MAGEC3: variants seen among roughly 807,000 people sequenced by gnomAD.
MAGEC3 encodes the protein MAGE family member C3.
In MAGEC3, 34 loss-of-function variants were observed where a neutral mutation model predicts 35.3. That is an observed-to-expected ratio of 0.96 (90% CI 0.73 to 1.28). MAGEC3 has a LOEUF of 1.28. MAGEC3 is among the 50% of genes most tolerant of loss of function. The probability of loss-of-function intolerance (pLI) is 0.00; values close to 1 mark genes in which losing one functional copy is unlikely to be tolerated. For missense variants in MAGEC3, 561 were observed against 483.6 expected, an observed-to-expected ratio of 1.16 and a Z score of -1.50; for synonymous variants, 202 against 185.6, an observed-to-expected ratio of 1.09 and a Z score of -0.72.
chrX:141,894,953 G>A, intron 4 of MAGEC3: 2 of 621,603 alleles, frequency 3.2e-6, no homozygotes, highest in Non-Finnish European at 2.1e-6. Flanking sequence ...GGTAGGAAAA[G>A]GTGGGAGGGA....
chrX:141,895,861 A>G (rs765384518), intron 6 of MAGEC3, among the ~76,000 whole-genome samples: 45 of 110,387 alleles, frequency 4.1e-4, no homozygotes, highest in African/African-American at 1.3e-3. Flanking sequence ...AAGAGTGAGG[A>G]CGGAGAGGTC....
intron 1 of MAGEC3, among the ~76,000 whole-genome samples, chrX:141,857,252 T>C (rs187141510): frequency 1.5e-3 from 167 of 111,017 alleles, no homozygotes; most frequent in African/African-American, 5.1e-3. Context: ...GAAATAGATC[T>C]GCTTATCTGT....
At chrX:141,894,757 C>T (rs1319848790) in intron 4 of MAGEC3, 1 of 969,470 alleles carries the variant, frequency 1.0e-6, no homozygotes, top group Admixed American at 3.0e-5. Flanking sequence ...CAGGCGTCGC[C>T]CAGCCACTCC....
intron 4 of MAGEC3, among the ~76,000 whole-genome samples, chrX:141,889,532 A>T (rs1893646826): frequency 8.9e-6 from 1 of 112,357 alleles, no homozygotes; most frequent in Non-Finnish European, 1.9e-5. Context: ...AAACAGGCTA[A>T]GAAAGGAGTT....
chrX:141,896,248 A>G (rs1370608984), intron 6 of MAGEC3: 3 of 367,265 alleles, frequency 8.2e-6, no homozygotes, highest in African/African-American at 2.8e-5. Context: ...AGCACAGCAG[A>G]GGAGGCCCAG....
chrX:141,881,247 G>A (rs2017961674), intron 3 of MAGEC3, among the ~76,000 whole-genome samples, 156 bp from the exon 4 acceptor site: 1 of 110,539 alleles, frequency 9.0e-6, no homozygotes, highest in Non-Finnish European at 1.9e-5. Flanking sequence ...AGGAGTAGCT[G>A]TCTGCTGGGA....
At chrX:141,879,516 AG>A (rs1195255532) in intron 3 of MAGEC3, 85 bp downstream of exon 3, 17 of 971,770 alleles carry the variant, frequency 1.7e-5, no homozygotes, top group Non-Finnish European at 2.2e-5. Context: ...AGGGGTGGAA[AG>A]GGTCGGGGAG....
At chrX:141,858,649 C>G (rs141920623) in intron 1 of MAGEC3, among the ~76,000 whole-genome samples, 3,129 of 110,432 alleles carry the variant, frequency 0.028, 48 homozygotes, top group African/African-American at 0.057. Context: ...TGCCTGGTAA[C>G]CCAAATATGT....
At chrX:141,847,052 A>G (rs1227949728) in intron 1 of MAGEC3, among the ~76,000 whole-genome samples, 1 of 111,282 alleles carries the variant, frequency 9.0e-6, no homozygotes, top group Non-Finnish European at 1.9e-5. Context: ...TTTCACATGA[A>G]TGAGAATATC....
intron 2 of MAGEC3, among the ~76,000 whole-genome samples, chrX:141,878,490 C>G (rs149806530): frequency 0.08 from 8,953 of 112,486 alleles, 555 homozygotes; most frequent in African/African-American, 0.2. Context: ...TCCACAGAAT[C>G]CAGCTCCACT....
At position 141,895,984 on chromosome X, in the gene MAGEC3, C is replaced by T. The variant is rs769345302; in HGVS notation, c.1123+425C>T. 1.3e-4 allele frequency among the ~76,000 whole-genome samples: 14 copies of T among 111,417 alleles called. No homozygotes were observed. The East Asian group carries it at 3.1e-3, about 25-fold the overall frequency. ...TGCTCTCAGGGATGTGGAGTTTGCC[C>T]TGAGTTTTGGCCAGAAGAGTGGTAG... On this transcript the variant is annotated intron_variant, in intron 6 of 7. Transcript: ENST00000298296.
At chrX:141,869,030 C>T (rs544281399) in intron 2 of MAGEC3, among the ~76,000 whole-genome samples, 2 of 109,058 alleles carry the variant, frequency 1.8e-5, no homozygotes, top group East Asian at 5.8e-4. Flanking sequence ...TACAGGTGCC[C>T]GCCACCCCAC....
chrX:141,850,598 A>G lies in MAGEC3; in HGVS notation c.123+12160A>G, dbSNP rs185104226. On this transcript the variant is annotated intron_variant, in intron 1 of 7. Transcript: ENST00000298296. ...CACATTATGGAGGGTAATCTGTTTC[A>G]CTCAAAGTTCACTAATTTAAGTATT... Among the ~76,000 whole-genome samples the G allele has an allele frequency of 3.6e-5, 4 of 111,024 alleles. No individual in the cohort carries two copies. In the East Asian group the frequency reaches 8.6e-4, roughly 24 times the overall value.
rs1330224400 is a variant in MAGEC3, at chrX:141,867,019, CAAAAG to C, written c.258+1418_258+1422del. ...AGAAAGTGATGAAATAAAATATAAA[CAAAAG>C]AAAGGTTTTCAGAAAAAAAAAAACC... is the stretch of plus-strand genomic sequence containing the variant. On this transcript the variant is annotated intron_variant, in intron 2 of 7. Coordinates refer to ENST00000298296, the MANE Select transcript of MAGEC3 (RefSeq NM_138702.1). 1.7e-4 allele frequency among the ~76,000 whole-genome samples: 18 copies of C among 107,874 alleles called. 1 individual carries two copies. In the East Asian group the frequency reaches 5.2e-3, roughly 31 times the overall value. The allele number at this position is 107,874 out of a possible 115,157, so 93.7% of individuals were successfully genotyped here.
At chrX:141,877,537 A>G (rs1265975097) in intron 2 of MAGEC3, among the ~76,000 whole-genome samples, 1 of 111,775 alleles carries the variant, frequency 8.9e-6, no homozygotes, top group Non-Finnish European at 1.9e-5. Flanking sequence ...CAGTCTAATC[A>G]TGCATGAATC....
At chrX:141,871,886 A>G (rs1238958938) in intron 2 of MAGEC3, among the ~76,000 whole-genome samples, 1 of 109,391 alleles carries the variant, frequency 9.1e-6, no homozygotes, top group Non-Finnish European at 1.9e-5. Context: ...GTTAGGGGCT[A>G]AAGGCTTGGG....
At chrX:141,881,365 A>T in intron 3 of MAGEC3, 38 bp from the exon 4 acceptor site, 9 of 1,166,553 alleles carry the variant, frequency 7.7e-6, no homozygotes, top group Non-Finnish European at 1.0e-5. Context: ...TGAAGAGCCT[A>T]GCAGCCAATA....
intron 1 of MAGEC3, among the ~76,000 whole-genome samples, chrX:141,849,089 G>A (rs963774754): frequency 9.0e-6 from 1 of 110,857 alleles, no homozygotes; most frequent in Non-Finnish European, 1.9e-5. Flanking sequence ...AGACCAATGT[G>A]TCTCTTACAG....
intron 1 of MAGEC3, among the ~76,000 whole-genome samples, chrX:141,847,758 A>G (rs955106117): frequency 8.1e-5 from 9 of 111,430 alleles, no homozygotes; most frequent in African/African-American, 2.9e-4. Context: ...ATATTAGAAA[A>G]GAAGAAAGAT....
Sources: allele counts gnomAD v4.1 joint callset (sites outside exome capture counted in the v4.1 genomes callset), GRCh38; gene constraint gnomAD v4.1.1; transcripts MANE v1.5; gene names NCBI Gene and HGNC (gene_info 2026-07-23, HGNC 2026-07-21).